CACNA1C: variants seen among roughly 807,000 people sequenced by gnomAD.
The protein encoded by CACNA1C is calcium voltage-gated channel subunit alpha1 C.
A neutral mutation model predicts 229.0 loss-of-function variants in CACNA1C; 30 were observed. The observed-to-expected ratio is 0.13, with a 90% confidence interval of 0.10 to 0.18. The LOEUF (loss-of-function observed/expected upper bound fraction) is 0.18, where lower values mean the gene tolerates loss of function less well. Among genes scored for constraint, CACNA1C ranks in the 10% least tolerant of loss-of-function variants. The pLI, the probability that CACNA1C is intolerant of heterozygous loss-of-function variation, is 1.00. For synonymous variants in CACNA1C, 1,114 were observed against 1,132.5 expected, an observed-to-expected ratio of 0.98 and a Z score of 0.33; for missense variants, 1,658 against 2,845.0, an observed-to-expected ratio of 0.58 and a Z score of 9.49.
At chr12:2,231,917 TA>T (rs974167932) in intron 3 of CACNA1C, among the ~76,000 whole-genome samples, 1 of 152,200 alleles carries the variant, frequency 6.6e-6, no homozygotes, top group African/African-American at 2.4e-5. Context: ...TTTGTCTTTT[TA>T]TTTTTTTTTA....
At chr12:2,182,441 C>T (rs1193206649) in intron 3 of CACNA1C, among the ~76,000 whole-genome samples, 1 of 151,980 alleles carries the variant, frequency 6.6e-6, no homozygotes, top group Non-Finnish European at 1.5e-5. Flanking sequence ...CACCTTAAAT[C>T]GAAATCCACT....
At chr12:2,223,898 A>G (rs2062144585) in intron 3 of CACNA1C, among the ~76,000 whole-genome samples, 1 of 152,232 alleles carries the variant, frequency 6.6e-6, no homozygotes, top group African/African-American at 2.4e-5. Context: ...TAATACACAA[A>G]TATATTCTAG....
At chr12:2,624,146 T>C (rs1044351289) in intron 29 of CACNA1C, among the ~76,000 whole-genome samples, 3 of 152,196 alleles carry the variant, frequency 2.0e-5, no homozygotes, top group South Asian at 2.1e-4. Context: ...TTTTGTGTCA[T>C]TGGTTTTTTG....
chr12:2,462,775 C>A (rs899892898), intron 5 of CACNA1C, among the ~76,000 whole-genome samples: 8 of 152,074 alleles, frequency 5.3e-5, no homozygotes, highest in African/African-American at 1.9e-4. Flanking sequence ...ATCTTCATGA[C>A]AATTGGGTGA....
rs938980937 is a variant in CACNA1C, at chr12:2,182,747, G to T, written c.477+62317G>T. ...TGAGCATCCCTGAGTCCAAGGTAGG[G>T]GAAAGAGGAAGTGGTCCACGATGAC... On this transcript the variant is annotated intron_variant, in intron 3 of 46. Transcript: ENST00000399655. Among the ~76,000 whole-genome samples the T allele has an allele frequency of 1.3e-4, 20 of 152,128 alleles. 1 individual carries two copies. Among genetic ancestry groups the T allele is most frequent in the African/African-American group, 4.3e-4 (18 of 41,428 alleles).
At chr12:2,572,313 TCCTCCTC>T (rs2055069729) in intron 13 of CACNA1C, among the ~76,000 whole-genome samples, 2 of 144,880 alleles carry the variant, frequency 1.4e-5, no homozygotes, top group African/African-American at 5.1e-5. Context: ...CTCCTCCTCC[TCCTCCTC>T]TTCCTCCTCC....
intron 3 of CACNA1C, among the ~76,000 whole-genome samples, chr12:2,327,378 C>A (rs2096360108): frequency 6.6e-6 from 1 of 152,248 alleles, no homozygotes; most frequent in Non-Finnish European, 1.5e-5. Flanking sequence ...ACTTAGCTGA[C>A]TGAGCAAGTG....
intron 3 of CACNA1C, among the ~76,000 whole-genome samples, chr12:2,194,900 G>A (rs1411883888): frequency 6.6e-6 from 1 of 152,172 alleles, no homozygotes; most frequent in Non-Finnish European, 1.5e-5. Flanking sequence ...AATGTTTTCT[G>A]ATCTAAGGTC....
intron 9 of CACNA1C, among the ~76,000 whole-genome samples, chr12:2,538,288 G>C (rs936008871): frequency 3.3e-5 from 5 of 152,072 alleles, no homozygotes; most frequent in Non-Finnish European, 7.4e-5. Flanking sequence ...CTTTCTGATG[G>C]CTTAAAATCA....
At chr12:2,390,389 C>G (rs2098462256) in intron 3 of CACNA1C, among the ~76,000 whole-genome samples, 1 of 152,144 alleles carries the variant, frequency 6.6e-6, no homozygotes, top group Non-Finnish European at 1.5e-5. Flanking sequence ...TTGGCTAGTG[C>G]TTAACATTAC....
intron 9 of CACNA1C, among the ~76,000 whole-genome samples, chr12:2,542,193 C>G (rs1295771037): frequency 6.6e-6 from 1 of 152,148 alleles, no homozygotes; most frequent in Admixed American, 6.5e-5. Context: ...TTGCCAAAAC[C>G]CCTTCTGGAG....
chr12:2,358,704 G>A (rs534862860), intron 3 of CACNA1C, among the ~76,000 whole-genome samples: 1 of 152,070 alleles, frequency 6.6e-6, no homozygotes, highest in Non-Finnish European at 1.5e-5. Flanking sequence ...GCAGTTTGTG[G>A]GTGAGAGAAC....
chr12:2,171,612 C>T (rs2096484089), intron 3 of CACNA1C, among the ~76,000 whole-genome samples: 1 of 152,154 alleles, frequency 6.6e-6, no homozygotes, highest in South Asian at 2.1e-4. Flanking sequence ...TTCCTTTTCC[C>T]CACAAATATT....
At chr12:2,013,292 G>C (rs2154484255) in intron 1 of CACNA1C, among the ~76,000 whole-genome samples, 1 of 152,234 alleles carries the variant, frequency 6.6e-6, no homozygotes, top group South Asian at 2.1e-4. Flanking sequence ...TGCCTGCCTG[G>C]TATGAAGCTA....
At position 2,674,546 on chromosome 12, in the gene CACNA1C, C is replaced by T; in HGVS notation, c.4732C>T (p.Leu1578=). The change falls in exon 39 of 47, where the codon CTA becomes TTA. Residue 1578 remains leucine (L), a synonymous_variant. Transcript: ENST00000399655. Reference sequence around the variant, plus strand: ...GGATCCTTTCCGCCCTGCAGGGAACCTAGAACAAGCCAATGAGGAGCTGCG... The same window carrying T: ...GGATCCTTTCCGCCCTGCAGGGAACTTAGAACAAGCCAATGAGGAGCTGCG... The part of the protein sequence containing the change: ...TALRIKTEGN[L]EQANEELRAI... 6.4e-7 allele frequency: 1 copy of T among 1,561,766 alleles called. No homozygotes were observed. The highest frequency in any genetic ancestry group is 8.7e-7 in the Non-Finnish European group (1 of 1,152,552).
Position 2,493,631 on chromosome 12 carries a change from C to T in CACNA1C, c.1113+245C>T, listed in dbSNP as rs961993441. On this transcript the variant is annotated intron_variant, in intron 7 of 46. Coordinates refer to ENST00000399655, the MANE Select transcript of CACNA1C (RefSeq NM_000719.7). This position sits in a 1 kb window ranked among gnomAD's most constrained non-coding sequence, Gnocchi z 4.6. ...GGGGAAGGTCATTTTTCCAGTGCGT[C>T]CCACAGTGCAAAACCCTGGTGTGCA... Among the ~76,000 whole-genome samples the T allele has an allele frequency of 7.2e-5, 11 of 152,190 alleles. No individual in the cohort carries two copies. Among genetic ancestry groups the T allele is most frequent in the African/African-American group, 2.4e-4 (10 of 41,454 alleles).
intron 43 of CACNA1C, among the ~76,000 whole-genome samples, chr12:2,685,255 C>A (rs933426994): frequency 6.7e-6 from 1 of 150,350 alleles, no homozygotes. Flanking sequence ...ACTGAGTGAC[C>A]GTAGAGTGGT....
At chr12:2,001,633 G>GT (rs1416996893) in intron 1 of CACNA1C, among the ~76,000 whole-genome samples, 4 of 152,152 alleles carry the variant, frequency 2.6e-5, no homozygotes, top group African/African-American at 9.7e-5. Context: ...CATGTAGCAC[G>GT]TGAGTCACCT....
intron 3 of CACNA1C, among the ~76,000 whole-genome samples, chr12:2,239,114 A>G (rs767954849): frequency 3.3e-5 from 5 of 152,200 alleles, no homozygotes; most frequent in South Asian, 2.1e-4. Flanking sequence ...TTTTACTACA[A>G]TAACCTGACT....
Sources: gnomAD v4.1 joint callset for allele counts (sites outside exome capture counted in the v4.1 genomes callset) on GRCh38, gnomAD v4.1.1 for gene constraint, Gnocchi (gnomAD v3.1) non-coding constraint, MANE v1.5 for transcripts, NCBI Gene and HGNC (gene_info 2026-07-23, HGNC 2026-07-21) for gene names.